Variants in ATP8B4 observed in about 807,000 individuals in gnomAD.
ATP8B4 encodes ATPase phospholipid transporting 8B4 (putative), also known as probable phospholipid-transporting ATPase IM.
ATP8B4 carries 133 observed loss-of-function variants against 145.6 expected under a neutral mutation model. The ratio of observed to expected loss-of-function variants is 0.91; its 90% CI spans 0.79 to 1.05. ATP8B4 has a LOEUF of 1.05. Among genes scored for constraint, ATP8B4 ranks in the 50% least tolerant of loss-of-function variants. The pLI is 0.00. For synonymous variants in ATP8B4, 507 were observed against 492.9 expected (o/e 1.03, Z -0.38); for missense variants, 1,458 against 1,425.2 (o/e 1.02, Z -0.37).
At position 49,866,341 on chromosome 15, in the gene ATP8B4, C is replaced by T; in HGVS notation, c.3166+5G>A. 2.5e-6 allele frequency: 4 copies of T among 1,613,668 alleles called. No homozygotes were observed. Among genetic ancestry groups the T allele is most frequent in the East Asian group, 4.5e-5 (2 of 44,834 alleles). On this transcript the variant is annotated splice_donor_5th_base_variant and intron_variant, in intron 26 of 27. Transcript: ENST00000284509. ...AGGTTCCACTAGTCAACATGACTCACTTACCAACAAATGGAAACTGGTTTG... is the reference window on the plus strand; with the variant it reads ...AGGTTCCACTAGTCAACATGACTCATTTACCAACAAATGGAAACTGGTTTG...
chr15:50,057,031 T>C (rs2052661866), intron 3 of ATP8B4, among the ~76,000 whole-genome samples: 1 of 152,176 alleles, frequency 6.6e-6, no homozygotes, highest in South Asian at 2.1e-4. Flanking sequence ...CGGTCAGATT[T>C]AATTTTCTTT....
intron 14 of ATP8B4, among the ~76,000 whole-genome samples, chr15:49,950,269 G>A (rs536957586): frequency 3.9e-5 from 6 of 152,206 alleles, no homozygotes; most frequent in Middle Eastern, 3.4e-3. Context: ...GTACAATTCA[G>A]CTGTGAATCT....
At chr15:50,071,488 C>T (rs940167143) in intron 3 of ATP8B4, among the ~76,000 whole-genome samples, 3 of 152,182 alleles carry the variant, frequency 2.0e-5, no homozygotes, top group Admixed American at 6.5e-5. Flanking sequence ...TAAACGCAGC[C>T]AAGTACTTAA....
At chr15:50,173,116 TG>T (rs1159641223) in intron 1 of ATP8B4, among the ~76,000 whole-genome samples, 5 of 147,528 alleles carry the variant, frequency 3.4e-5, no homozygotes, top group East Asian at 2.0e-4. Flanking sequence ...GTCTGGGAGG[TG>T]GGGGGCGCCT....
At chr15:50,011,695 T>G (rs16963220) in intron 6 of ATP8B4, among the ~76,000 whole-genome samples, 2 of 152,116 alleles carry the variant, frequency 1.3e-5, no homozygotes, top group African/African-American at 4.8e-5. Context: ...GCCCTCTGGA[T>G]GCAGACCACC....
intron 15 of ATP8B4, among the ~76,000 whole-genome samples, chr15:49,932,329 G>A (rs2041344765): frequency 6.6e-6 from 1 of 151,780 alleles, no homozygotes; most frequent in Non-Finnish European, 1.5e-5. Flanking sequence ...ACCTCTGTAG[G>A]GGTGAGACTG....
chr15:50,017,975 C>G (rs916283585), intron 6 of ATP8B4, among the ~76,000 whole-genome samples: 3 of 145,922 alleles, frequency 2.1e-5, no homozygotes, highest in African/African-American at 7.8e-5. Context: ...GCACATAAGT[C>G]GAATTCTTTT....
At chr15:49,866,620 C>T in intron 25 of ATP8B4, 136 bp from the exon 26 acceptor site, 1 of 980,906 alleles carries the variant, frequency 1.0e-6, no homozygotes, top group Non-Finnish European at 1.5e-6. Flanking sequence ...CCGCGGGCAT[C>T]CCCACTTTCT....
intron 1 of ATP8B4, among the ~76,000 whole-genome samples, chr15:50,137,345 G>C (rs1299117182): frequency 1.3e-5 from 2 of 152,084 alleles, no homozygotes; most frequent in African/African-American, 4.8e-5. Flanking sequence ...CATGTTAGCC[G>C]GCACATTCTG....
chr15:49,911,731 A>T (rs970464891), intron 20 of ATP8B4, among the ~76,000 whole-genome samples: 6 of 152,184 alleles, frequency 3.9e-5, no homozygotes, highest in African/African-American at 1.4e-4. Flanking sequence ...CTTGCAGAAT[A>T]CACATTCTTC....
chr15:49,966,098 C>T (rs62020968), intron 13 of ATP8B4, among the ~76,000 whole-genome samples: 8 of 152,100 alleles, frequency 5.3e-5, no homozygotes, highest in African/African-American at 1.9e-4. Context: ...CCAGATACTA[C>T]GCTTTTCCCA....
intron 14 of ATP8B4, among the ~76,000 whole-genome samples, chr15:49,953,031 G>A (rs768128600): frequency 3.0e-4 from 46 of 152,236 alleles, no homozygotes; most frequent in Non-Finnish European, 5.7e-4. Context: ...TCACTCCCAT[G>A]CCTGGAGATG....
At position 50,007,111 on chromosome 15, in the gene ATP8B4, AT is replaced by A. The variant is rs563340727; in HGVS notation, c.435+3733del. Among the ~76,000 whole-genome samples the A allele has an allele frequency of 5.6e-4, 85 of 152,340 alleles. 1 individual carries two copies. Among genetic ancestry groups the A allele is most frequent in the Non-Finnish European group, 1.0e-3 (68 of 68,038 alleles). On this transcript the variant is annotated intron_variant, in intron 7 of 27. Transcript: ENST00000284509. ...TGCAGAACATAAAAAAAATAAATAA[AT>A]AAAAATAAATAAAAGGTAAGTAACT...
At chr15:49,972,507 A>T (rs767348093) in intron 13 of ATP8B4, 75 bp downstream of exon 13, 128 of 1,405,852 alleles carry the variant, frequency 9.1e-5, no homozygotes, top group Non-Finnish European at 1.1e-4. Flanking sequence ...GGATTTTTAA[A>T]TTTTTTTTTA....
At chr15:50,117,728 C>T (rs2057196944) in intron 1 of ATP8B4, among the ~76,000 whole-genome samples, 1 of 152,070 alleles carries the variant, frequency 6.6e-6, no homozygotes, top group South Asian at 2.1e-4. Context: ...GCACTATTCA[C>T]AATAGCCAAG....
At chr15:49,961,132 C>CAA (rs11392215) in intron 14 of ATP8B4, among the ~76,000 whole-genome samples, 55 of 130,886 alleles carry the variant, frequency 4.2e-4, no homozygotes, top group Middle Eastern at 4.3e-3. Context: ...GACTCCATCT[C>CAA]AAAAAAAAAA....
intron 23 of ATP8B4, among the ~76,000 whole-genome samples, chr15:49,892,143 A>G (rs1566939462): frequency 1.3e-5 from 2 of 151,944 alleles, no homozygotes; most frequent in Admixed American, 6.6e-5. Context: ...TTAAAAGTCT[A>G]TAGACTCAGA....
chr15:49,981,916 C>A (rs969243294), intron 10 of ATP8B4, among the ~76,000 whole-genome samples: 1 of 152,024 alleles, frequency 6.6e-6, no homozygotes, highest in Non-Finnish European at 1.5e-5. Flanking sequence ...ATGATAAGTG[C>A]CTTGTTCCAG....
intron 25 of ATP8B4, among the ~76,000 whole-genome samples, chr15:49,872,182 C>T (rs894986252): frequency 4.1e-4 from 62 of 152,276 alleles, no homozygotes; most frequent in African/African-American, 1.5e-3. Context: ...TCACAGATGC[C>T]TTTATTAAAG....
Sources: allele counts gnomAD v4.1 joint callset (sites outside exome capture counted in the v4.1 genomes callset), GRCh38; gene constraint gnomAD v4.1.1; transcripts MANE v1.5; gene names NCBI Gene and HGNC (gene_info 2026-07-23, HGNC 2026-07-21).